The following FRYL variants were observed in gnomAD, a reference collection of about 807,000 sequenced individuals.
FRYL encodes the protein FRY like transcription coactivator, also known as protein furry homolog-like.
Under a neutral mutation model 351.2 loss-of-function variants are expected in FRYL, and 150 were observed. The ratio of observed to expected loss-of-function variants is 0.43; its 90% CI spans 0.37 to 0.49. FRYL has a LOEUF of 0.49. FRYL is among the 20% of genes least tolerant of loss of function. The pLI is 0.00. For synonymous variants in FRYL, 1,153 were observed against 1,257.1 expected, an observed-to-expected ratio of 0.92 and a Z score of 1.75; for missense variants, 3,036 against 3,619.3, an observed-to-expected ratio of 0.84 and a Z score of 4.13.
chr4:48,766,215 A>G (rs1774927233), intron 1 of FRYL, among the ~76,000 whole-genome samples: 1 of 152,194 alleles, frequency 6.6e-6, no homozygotes. Flanking sequence ...AATAGCCATA[A>G]TGTGCTGTTG....
At chr4:48,658,159 A>ATAC (rs1553965468) in intron 3 of FRYL, among the ~76,000 whole-genome samples, 1 of 152,116 alleles carries the variant, frequency 6.6e-6, no homozygotes, top group Admixed American at 6.5e-5. Context: ...TTAACTAGAA[A>ATAC]TATGCAATTG....
chr4:48,532,133 A>G (rs541216862), intron 49 of FRYL, among the ~76,000 whole-genome samples: 11 of 152,322 alleles, frequency 7.2e-5, no homozygotes, highest in Admixed American at 7.2e-4. Flanking sequence ...TTATGGTACC[A>G]AAAATCACAT....
chr4:48,646,282 T>C (rs914342982), intron 3 of FRYL, among the ~76,000 whole-genome samples: 2 of 152,200 alleles, frequency 1.3e-5, no homozygotes, highest in African/African-American at 4.8e-5. Flanking sequence ...TTACAAGTCA[T>C]TACCTTCTGG....
intron 55 of FRYL, among the ~76,000 whole-genome samples, chr4:48,519,876 C>T (rs1484870400): frequency 6.6e-6 from 1 of 151,854 alleles, no homozygotes; most frequent in African/African-American, 2.4e-5. Flanking sequence ...TGGGACTACA[C>T]GTGTGCACCA....
intron 1 of FRYL, among the ~76,000 whole-genome samples, chr4:48,732,704 C>G (rs1276872777): frequency 6.8e-6 from 1 of 147,606 alleles, no homozygotes; most frequent in Admixed American, 6.9e-5. Flanking sequence ...CATGTTCTCA[C>G]TCATAAGTAG....
chr4:48,705,434 A>G (rs1767223173), intron 2 of FRYL, among the ~76,000 whole-genome samples: 1 of 151,364 alleles, frequency 6.6e-6, no homozygotes, highest in Non-Finnish European at 1.5e-5. Context: ...AATCAGTAAT[A>G]CACCACTAAG....
At chr4:48,777,407 A>G (rs1776135133) in intron 1 of FRYL, among the ~76,000 whole-genome samples, 1 of 152,238 alleles carries the variant, frequency 6.6e-6, no homozygotes, top group African/African-American at 2.4e-5. Context: ...TTTACAGGAC[A>G]TTATCTTTTT....
chr4:48,609,922 T>C, intron 7 of FRYL, 99 bp from the exon 8 acceptor site: 1 of 555,336 alleles, frequency 1.8e-6, no homozygotes, highest in Non-Finnish European at 3.1e-6. Context: ...AATCTTAATG[T>C]TCATGGGATT....
chr4:48,591,780 A>G (rs1320392700), intron 16 of FRYL, among the ~76,000 whole-genome samples: 2 of 151,910 alleles, frequency 1.3e-5, no homozygotes, highest in Non-Finnish European at 2.9e-5. Flanking sequence ...ATCACCCACA[A>G]ATTTTAAGCC....
At chr4:48,652,392 T>C (rs1171228881) in intron 3 of FRYL, among the ~76,000 whole-genome samples, 1 of 152,218 alleles carries the variant, frequency 6.6e-6, no homozygotes, top group African/African-American at 2.4e-5. Context: ...CAGTCCAGTT[T>C]ACTTGAGCAA....
chr4:48,659,918 G>GAGAAGAAGAAGAAGA (rs1249228163), intron 3 of FRYL, among the ~76,000 whole-genome samples: 74 of 792 alleles, frequency 0.093, 34 homozygotes, highest in Admixed American at 0.22. Flanking sequence ...GAAGGAGAAG[G>GAGAAGAAGAAGAAGA]AGAAGAAGAA....
chr4:48,754,206 C>T (rs1012600380), intron 1 of FRYL, among the ~76,000 whole-genome samples: 2 of 152,200 alleles, frequency 1.3e-5, no homozygotes, highest in Non-Finnish European at 2.9e-5. Context: ...CTGGTAACCA[C>T]ACCACAAATT....
chr4:48,634,692 C>G (rs1390959234), intron 3 of FRYL, among the ~76,000 whole-genome samples: 2 of 152,100 alleles, frequency 1.3e-5, no homozygotes, highest in Admixed American at 1.3e-4. Context: ...TGTACTGTTT[C>G]TCTCTCTATC....
At chr4:48,586,143 G>C (rs1742052071) in intron 19 of FRYL, among the ~76,000 whole-genome samples, 1 of 152,064 alleles carries the variant, frequency 6.6e-6, no homozygotes, top group Non-Finnish European at 1.5e-5. Context: ...ATTTTACAGA[G>C]CTATGACATG....
intron 32 of FRYL, among the ~76,000 whole-genome samples, chr4:48,562,688 A>G (rs572631362): frequency 4.6e-5 from 7 of 152,320 alleles, no homozygotes; most frequent in Non-Finnish European, 8.8e-5. Context: ...ACACTTAGGA[A>G]TAGTCTGCAT....
Position 48,543,990 on chromosome 4 carries a change from A to G in FRYL, c.5409T>C (p.Ile1803=). ...CTTCACTAAGATGATGTTCCAGATGAATTCCTTCTGTGAATGCAAAGGAAA... is the reference window on the plus strand; with the variant it reads ...CTTCACTAAGATGATGTTCCAGATGGATTCCTTCTGTGAATGCAAAGGAAA... ...SVFKQSSSEG[I]HLEHHLSEVA... is the part of the protein sequence containing the mutation. The change falls in exon 44 of 64, where the codon ATT becomes ATC. Residue 1803 remains isoleucine (I), a synonymous_variant. Coordinates refer to ENST00000358350, the MANE Select transcript of FRYL (RefSeq NM_015030.2). The G allele has an allele frequency of 6.2e-7, 1 of 1,613,418 alleles. No homozygotes were observed. Among genetic ancestry groups the G allele is most frequent in the South Asian group, 1.1e-5 (1 of 91,052 alleles).
chr4:48,716,920 C>T (rs201579476), intron 1 of FRYL, among the ~76,000 whole-genome samples: 1 of 151,120 alleles, frequency 6.6e-6, no homozygotes, highest in Non-Finnish European at 1.5e-5. Flanking sequence ...GGCACATATA[C>T]ACCATGGAAT....
chr4:48,552,089 A>G (rs1054148887), intron 36 of FRYL, among the ~76,000 whole-genome samples: 1 of 152,152 alleles, frequency 6.6e-6, no homozygotes, highest in Non-Finnish European at 1.5e-5. Flanking sequence ...CTCCTGAAAG[A>G]GGAGGCACCT....
intron 3 of FRYL, among the ~76,000 whole-genome samples, chr4:48,649,207 T>C (rs1757154631): frequency 6.6e-6 from 1 of 152,178 alleles, no homozygotes; most frequent in South Asian, 2.1e-4. Flanking sequence ...ATGTATAATG[T>C]GCTTTTTGGG....
Sources: gnomAD v4.1 joint callset for allele counts (sites outside exome capture counted in the v4.1 genomes callset) on GRCh38, gnomAD v4.1.1 for gene constraint, MANE v1.5 for transcripts, NCBI Gene and HGNC (gene_info 2026-07-23, HGNC 2026-07-21) for gene names.